CYP3A5: variants seen among roughly 807,000 people sequenced by gnomAD.
The protein encoded by CYP3A5 is cytochrome P450 family 3 subfamily A member 5.
Under a neutral mutation model 55.9 loss-of-function variants are expected in CYP3A5, and 51 were observed. The ratio of observed to expected loss-of-function variants is 0.91; its 90% CI spans 0.73 to 1.15. CYP3A5 has a LOEUF of 1.15. Among genes scored for constraint, CYP3A5 ranks in the 50% most tolerant of loss-of-function variants. The pLI is 0.00. For missense variants in CYP3A5, 533 were observed against 596.6 expected (o/e 0.89, Z 1.11); for synonymous variants, 196 against 213.9 (o/e 0.92, Z 0.73).
intron 9 of CYP3A5, among the ~76,000 whole-genome samples, chr7:99,660,998 C>T (rs1810387741): frequency 6.6e-6 from 1 of 152,136 alleles, no homozygotes; most frequent in African/African-American, 2.4e-5. Context: ...CCTAAAAGTA[C>T]TTTATCTGTA....
intron 10 of CYP3A5, among the ~76,000 whole-genome samples, chr7:99,658,488 G>A (rs1470099051): frequency 1.3e-5 from 2 of 151,948 alleles, no homozygotes; most frequent in African/African-American, 2.4e-5. Flanking sequence ...TGGGTAACCC[G>A]ACCTTTCTCT....
chr7:99,675,943 G>T (rs1053464182), intron 2 of CYP3A5, among the ~76,000 whole-genome samples, 172 bp downstream of exon 2: 1 of 151,486 alleles, frequency 6.6e-6, no homozygotes, highest in African/African-American at 2.4e-5. Context: ...CAATTTGCCA[G>T]TCTTGGCCTC....
In CYP3A5 at chr7:99,660,502, A is replaced by G; in HGVS notation, c.1023T>C (p.Asn341=). Residue 341 remains asparagine, a synonymous_variant, in exon 10 of 13, where the codon AAT becomes AAC. Transcript: ENST00000222982. ...LQKEIDAVLP[N]KAPPTYDAVV... The stretch of plus-strand genomic sequence containing the variant: ...TCTCCAGGGGTCATCCCCTCACCTT[A>G]TTGGGCAAAACTGCATCAATCTCCT... The G allele has an allele frequency of 6.2e-7, 1 of 1,609,502 alleles. No homozygotes were observed. Among genetic ancestry groups the G allele is most frequent in the Non-Finnish European group, 8.5e-7 (1 of 1,177,978 alleles).
Position 99,671,541 on chromosome 7 carries a change from A to C in CYP3A5, c.318+1039T>G, listed in dbSNP as rs542158053. 8.5e-6 allele frequency: 3 copies of C among 351,362 alleles called. No individual in the cohort carries two copies. In the Admixed American group the frequency reaches 1.3e-4, roughly 16 times the overall value. The allele number at this position is 351,362 out of a possible 1,614,324, so 21.8% of individuals were successfully genotyped here. On this transcript the variant is annotated intron_variant, in intron 4 of 12. Coordinates refer to ENST00000222982, the MANE Select transcript of CYP3A5 (RefSeq NM_000777.5). Reference sequence around the variant, plus strand: ...GAACATTTGGACAGCCATAGTCCACAGAAAATGAACCTTGATCTAAATCTC... The same window carrying C: ...GAACATTTGGACAGCCATAGTCCACCGAAAATGAACCTTGATCTAAATCTC...
intron 11 of CYP3A5, chr7:99,652,321 C>A (rs1809271778): frequency 8.7e-6 from 3 of 344,554 alleles, no homozygotes; most frequent in African/African-American, 4.2e-5. Context: ...AGAAAAATGC[C>A]CACAGGGACA....
intron 12 of CYP3A5, among the ~76,000 whole-genome samples, chr7:99,649,598 C>T (rs984960452): frequency 6.6e-6 from 1 of 152,134 alleles, no homozygotes; most frequent in East Asian, 1.9e-4. Context: ...AACCTAGTCA[C>T]GCTCTGGGTT....
chr7:99,660,788 G>T, intron 9 of CYP3A5, 129 bp from the exon 10 acceptor site: 1 of 1,129,982 alleles, frequency 8.8e-7, no homozygotes, highest in Non-Finnish European at 1.3e-6. Flanking sequence ...GTCACACTGG[G>T]AGTGGTTTTC....
chr7:99,673,419 A>G (rs1367731174), intron 3 of CYP3A5, among the ~76,000 whole-genome samples: 1 of 152,258 alleles, frequency 6.6e-6, no homozygotes, highest in Non-Finnish European at 1.5e-5. Context: ...ATCACAGTCC[A>G]TCAGCCCACC....
intron 2 of CYP3A5, among the ~76,000 whole-genome samples, chr7:99,675,385 C>G (rs1038942441): frequency 6.6e-6 from 1 of 152,050 alleles, no homozygotes; most frequent in Admixed American, 6.5e-5. Flanking sequence ...CTGCTTTTAT[C>G]GAGGGTAAAA....
rs899612585 is a variant in CYP3A5, at chr7:99,653,875, G to T, written c.1027-1096C>A. On this transcript the variant is annotated intron_variant, in intron 10 of 12. Transcript: ENST00000222982. This position sits in a 1 kb window ranked among gnomAD's most constrained non-coding sequence, Gnocchi z 4.2. Reference sequence around the variant, plus strand: ...GTTTAGCTCAGGAGTCAGATACCCTGGTTCCTAGCTTGGCTTCTTGGCCAG... The same window carrying T: ...GTTTAGCTCAGGAGTCAGATACCCTTGTTCCTAGCTTGGCTTCTTGGCCAG... 2.0e-5 allele frequency among the ~76,000 whole-genome samples: 3 copies of T among 152,208 alleles called. No individual in the cohort carries two copies. The highest frequency in any genetic ancestry group is 4.4e-5 in the Non-Finnish European group (3 of 68,036).
chr7:99,650,125 G>T lies in CYP3A5; in HGVS notation c.1361C>A (p.Ala454Asp). ...GAAGTTCTGAAGGACTCTGATTAGAGCAAGTTTCATGTTCATGAGAGCAAA... is the reference window on the plus strand; with the variant it reads ...GAAGTTCTGAAGGACTCTGATTAGATCAAGTTTCATGTTCATGAGAGCAAA... ...MRFALMNMKL[A>D]LIRVLQNFSF... Residue 454 changes from alanine (A) to aspartate (D), a missense_variant, in exon 12 of 13, where the codon GCT becomes GAT. Transcript: ENST00000222982. The T allele has an allele frequency of 1.2e-6, 2 of 1,614,148 alleles. No individual in the cohort carries two copies. The highest frequency in any genetic ancestry group is 2.2e-5 in the South Asian group (2 of 91,080).
chr7:99,656,715 C>CT (rs1248934543), intron 10 of CYP3A5, among the ~76,000 whole-genome samples: 2 of 152,064 alleles, frequency 1.3e-5, no homozygotes, highest in African/African-American at 2.4e-5. Context: ...TGGTCCTGGA[C>CT]TTTTTTTGGT....
At chr7:99,665,360 G>A (rs1198630348) in intron 6 of CYP3A5, 46 bp from the exon 7 acceptor site, 16 of 1,609,138 alleles carry the variant, frequency 9.9e-6, no homozygotes, top group Middle Eastern at 1.9e-4. Context: ...ACCTCTTACC[G>A]TCCTTCCACT....
intron 2 of CYP3A5, among the ~76,000 whole-genome samples, chr7:99,675,127 G>A (rs41301649): frequency 1.2e-4 from 19 of 152,238 alleles, no homozygotes; most frequent in Admixed American, 3.3e-4. Flanking sequence ...GAGAAAGTGA[G>A]TGAGTGAATG....
chr7:99,666,771 C>T, intron 5 of CYP3A5, 82 bp from the exon 6 acceptor site: 1 of 1,605,540 alleles, frequency 6.2e-7, no homozygotes, highest in Non-Finnish European at 8.5e-7. Context: ...CAGCATGGAG[C>T]AGTAAGTGAC....
At chr7:99,667,297 C>T (rs1235682554) in intron 4 of CYP3A5, among the ~76,000 whole-genome samples, 4 of 152,136 alleles carry the variant, frequency 2.6e-5, no homozygotes, top group Non-Finnish European at 5.9e-5. Context: ...TGGTCTCCTG[C>T]CTCTATATCT....
chr7:99,660,593 C>CTGGTGGT lies in CYP3A5; in HGVS notation c.925_931dup (p.Ser311AsnfsTer12). 1 of 1,613,992 alleles carries CTGGTGGT rather than the reference C, an allele frequency of 6.2e-7. No homozygotes were observed. Among genetic ancestry groups the CTGGTGGT allele is most frequent in the Non-Finnish European group, 8.5e-7 (1 of 1,179,972 alleles). ...ATATAAAGTGAAGGAAAGAACACTGCTGGTGGTTTCATAGCCAGCAAAAAT... is the reference window on the plus strand; with the variant it reads ...ATATAAAGTGAAGGAAAGAACACTGCTGGTGGTTGGTGGTTTCATAGCCAGCAAAAAT... On this transcript the variant is annotated frameshift_variant, in exon 10 of 13. Coordinates refer to ENST00000222982, the MANE Select transcript of CYP3A5 (RefSeq NM_000777.5). LOFTEE classifies it high-confidence loss of function.
Position 99,662,695 on chromosome 7 carries a change from GTGT to G in CYP3A5, c.865+118_865+120del. ...GCTACCATTTATAACATCTAAATGTGTGTTGTTCTGCTATGTGGCAAAAATTCT... is the reference window on the plus strand; with the variant it reads ...GCTACCATTTATAACATCTAAATGTGTGTTCTGCTATGTGGCAAAAATTCT... On this transcript the variant is annotated intron_variant, in intron 9 of 12. Coordinates refer to ENST00000222982, the MANE Select transcript of CYP3A5 (RefSeq NM_000777.5). This position sits in a 1 kb window ranked among gnomAD's most constrained non-coding sequence, Gnocchi z 4.3. 1 of 899,752 alleles carries G rather than the reference GTGT, an allele frequency of 1.1e-6. No individual in the cohort carries two copies. The highest frequency in any genetic ancestry group is 1.5e-5 in the South Asian group (1 of 66,692). The allele number at this position is 899,752 out of a possible 1,614,324, so 55.7% of individuals were successfully genotyped here.
chr7:99,676,487 G>A (rs1362114908), intron 1 of CYP3A5: 1 of 1,400,178 alleles, frequency 7.1e-7, no homozygotes, highest in Non-Finnish European at 9.5e-7. Context: ...AAATGCTCCT[G>A]AGAGGTTCAG....
Sources: allele counts gnomAD v4.1 joint callset (sites outside exome capture counted in the v4.1 genomes callset), GRCh38; gene constraint gnomAD v4.1.1; non-coding constraint Gnocchi (gnomAD v3.1); transcripts MANE v1.5; gene names NCBI Gene and HGNC (gene_info 2026-07-23, HGNC 2026-07-21).